The following RBFOX1 variants were observed in gnomAD, a reference collection of about 807,000 sequenced individuals.
RBFOX1 encodes the protein RNA binding fox-1 homolog 1.
RBFOX1 carries 8 observed loss-of-function variants against 57.7 expected under a neutral mutation model. That is an observed-to-expected ratio of 0.14 (90% CI 0.08 to 0.25). RBFOX1 has a LOEUF of 0.25. Ranked by LOEUF, RBFOX1 falls within the 10% of genes least tolerant of loss-of-function variation. The pLI is 1.00. For missense variants in RBFOX1, 611 were observed against 548.5 expected, an observed-to-expected ratio of 1.11 and a Z score of -1.14; for synonymous variants, 326 against 222.4, an observed-to-expected ratio of 1.47 and a Z score of -4.15.
chr16:5,607,874 T>C (rs2047642527), intron 3 of RBFOX1, among the ~76,000 whole-genome samples: 1 of 152,216 alleles, frequency 6.6e-6, no homozygotes, highest in Admixed American at 6.5e-5. Flanking sequence ...GCTACTCTTT[T>C]TAATGGCTGG....
chr16:5,809,768 G>C (rs201526023), intron 3 of RBFOX1, among the ~76,000 whole-genome samples: 20 of 152,126 alleles, frequency 1.3e-4, no homozygotes, highest in Admixed American at 5.2e-4. Context: ...TCAGTGTGGC[G>C]ATTCCTCAGG....
At chr16:7,206,754 C>A (rs2090062245) in intron 4 of RBFOX1, among the ~76,000 whole-genome samples, 1 of 152,036 alleles carries the variant, frequency 6.6e-6, no homozygotes, top group African/African-American at 2.4e-5. Flanking sequence ...TTTCTCATAG[C>A]TGAATTCCCA....
intron 4 of RBFOX1, among the ~76,000 whole-genome samples, chr16:7,464,042 A>C (rs563354211): frequency 1.3e-5 from 2 of 152,274 alleles, no homozygotes; most frequent in African/African-American, 4.8e-5. Context: ...CTTGGCTGCT[A>C]ATCTTTTTGC....
intron 1 of RBFOX1, among the ~76,000 whole-genome samples, chr16:6,232,131 A>G (rs1196054413): frequency 6.6e-6 from 1 of 152,146 alleles, no homozygotes; most frequent in Non-Finnish European, 1.5e-5. Flanking sequence ...AATGTATTGA[A>G]TGCCTAAGTG....
At chr16:6,563,044 C>G (rs1349742849) in intron 2 of RBFOX1, among the ~76,000 whole-genome samples, 1 of 151,994 alleles carries the variant, frequency 6.6e-6, no homozygotes, top group Non-Finnish European at 1.5e-5. Context: ...CACAATTAGA[C>G]TCAGATGCTG....
chr16:5,297,323 G>A (rs952790552), intron 1 of RBFOX1, among the ~76,000 whole-genome samples: 1 of 152,158 alleles, frequency 6.6e-6, no homozygotes, highest in African/African-American at 2.4e-5. Context: ...AGGAATCTCT[G>A]TACTATTTTC....
intron 4 of RBFOX1, among the ~76,000 whole-genome samples, chr16:7,297,023 C>T (rs555643836): frequency 3.9e-5 from 6 of 152,070 alleles, no homozygotes; most frequent in African/African-American, 2.4e-5. Context: ...TGAAAGATCC[C>T]GTTTTCCAAG....
At chr16:7,462,010 C>T (rs1040941247) in intron 4 of RBFOX1, among the ~76,000 whole-genome samples, 1 of 152,202 alleles carries the variant, frequency 6.6e-6, no homozygotes, top group African/African-American at 2.4e-5. Flanking sequence ...TGCTTATTTT[C>T]TCTCCTTACG....
At chr16:7,671,157 A>C (rs75994998) in intron 13 of RBFOX1, among the ~76,000 whole-genome samples, 1,856 of 152,344 alleles carry the variant, frequency 0.012, 37 homozygotes, top group African/African-American at 0.043. Context: ...CTACTTCAAT[A>C]ATAAGGCATT....
chr16:6,846,092 C>G (rs1173144041), intron 3 of RBFOX1, among the ~76,000 whole-genome samples: 4 of 152,130 alleles, frequency 2.6e-5, no homozygotes, highest in East Asian at 1.9e-4. Flanking sequence ...TTCTGTACCA[C>G]TAAAATATAG....
Position 5,269,810 on chromosome 16 carries a change from A to T in RBFOX1, c.219+29705A>T, listed in dbSNP as rs115202261. On this transcript the variant is annotated intron_variant, in intron 1 of 2. Transcript: ENST00000585867. ...AAAACCATTGAAATGTAAAAGATGC[A>T]AAGAAAAACAGCCCAAGTTGCAATT... Among the ~76,000 whole-genome samples, 1,511 of 152,340 alleles carry T rather than the reference A, an allele frequency of 9.9e-3. 24 individuals carry two copies. The highest frequency in any genetic ancestry group is 0.027 in the African/African-American group (1,126 of 41,574).
At chr16:5,596,765 C>G (rs1050830726) in intron 2 of RBFOX1, among the ~76,000 whole-genome samples, 1 of 152,220 alleles carries the variant, frequency 6.6e-6, no homozygotes, top group African/African-American at 2.4e-5. Flanking sequence ...GACATTCTCT[C>G]AAAGGAGAAT....
At chr16:6,880,632 A>T (rs952804827) in intron 3 of RBFOX1, among the ~76,000 whole-genome samples, 2 of 152,200 alleles carry the variant, frequency 1.3e-5, no homozygotes, top group Non-Finnish European at 2.9e-5. Context: ...GGGTGGGGAA[A>T]AAATCAACCC....
In RBFOX1 at chr16:5,933,820, G is replaced by A. The variant is rs148282786; in HGVS notation, c.351+66485G>A. 3.7e-3 allele frequency among the ~76,000 whole-genome samples: 565 copies of A among 151,906 alleles called. 1 individual carries two copies. Among genetic ancestry groups the A allele is most frequent in the African/African-American group, 0.013 (537 of 41,412 alleles). ...TTTTAACTTATATTTTAGGCTTGTG[G>A]GTACGTGTGCAGGTTTGTTATATAG... On this transcript the variant is annotated intron_variant, in intron 4 of 19. Transcript: ENST00000641259.
At chr16:6,884,364 A>G (rs1003775669) in intron 3 of RBFOX1, among the ~76,000 whole-genome samples, 2 of 152,190 alleles carry the variant, frequency 1.3e-5, no homozygotes, top group Admixed American at 6.5e-5. Context: ...TCACTTGACA[A>G]CAGTTGCTCT....
At chr16:6,779,436 A>C (rs2079960813) in intron 3 of RBFOX1, among the ~76,000 whole-genome samples, 1 of 151,760 alleles carries the variant, frequency 6.6e-6, no homozygotes, top group Admixed American at 6.6e-5. Flanking sequence ...ACTCAGGTTG[A>C]TTTCATAACT....
chr16:6,515,354 C>G (rs891092321), intron 2 of RBFOX1, among the ~76,000 whole-genome samples: 2 of 152,216 alleles, frequency 1.3e-5, no homozygotes, highest in Admixed American at 6.5e-5. Context: ...TCTACTCAAA[C>G]AACCTTCAGA....
chr16:5,685,522 T>A (rs1202538585), intron 3 of RBFOX1, among the ~76,000 whole-genome samples: 1 of 152,236 alleles, frequency 6.6e-6, no homozygotes, highest in Admixed American at 6.5e-5. Flanking sequence ...CATTAAGTTA[T>A]CACAGGGTTG....
chr16:5,573,636 T>C (rs2046357138), intron 2 of RBFOX1, among the ~76,000 whole-genome samples: 1 of 152,064 alleles, frequency 6.6e-6, no homozygotes, highest in African/African-American at 2.4e-5. Flanking sequence ...CATCCCCCCT[T>C]TCCCCGTCCA....
Sources: gnomAD v4.1 joint callset for allele counts (sites outside exome capture counted in the v4.1 genomes callset) on GRCh38, gnomAD v4.1.1 for gene constraint, MANE v1.5 for transcripts, NCBI Gene and HGNC (gene_info 2026-07-23, HGNC 2026-07-21) for gene names.